CNN2: variants seen among roughly 807,000 people sequenced by gnomAD.
CNN2 encodes calponin 2.
Under a neutral mutation model 31.0 loss-of-function variants are expected in CNN2, and 21 were observed. The ratio of observed to expected loss-of-function variants is 0.68; its 90% CI spans 0.48 to 0.98. The LOEUF (loss-of-function observed/expected upper bound fraction) is 0.98. Ranked by LOEUF, CNN2 falls within the 50% of genes least tolerant of loss-of-function variation. CNN2 has a pLI of 0.00. For missense variants in CNN2, 399 were observed against 427.3 expected (o/e 0.93, Z 0.58); for synonymous variants, 165 against 179.6 (o/e 0.92, Z 0.65).
In CNN2 at chr19:1,037,967, ATC is replaced by A. The variant is rs1491117834; in HGVS notation, c.*69_*70del. 7.4e-7 allele frequency: 1 copy of A among 1,349,812 alleles called. No homozygotes were observed. The highest frequency in any genetic ancestry group is 2.8e-4 in the Middle Eastern group (1 of 3,616). The allele number at this position is 1,349,812 out of a possible 1,614,324, so 83.6% of individuals were successfully genotyped here. On this transcript the variant is annotated 3_prime_UTR_variant, in exon 7 of 7. Transcript: ENST00000263097. ...GGTTTTTGGGTTTTTCTGTGTTTTC[ATC>A]TTTTTTTTTTTTTTCTTAACCCGTT...
intron 2 of CNN2, 50 bp from the exon 3 acceptor site, chr19:1,032,342 C>A (rs199505028): frequency 1.6e-4 from 265 of 1,608,278 alleles, no homozygotes; most frequent in Non-Finnish European, 2.2e-4. Context: ...CACGGTTCCT[C>A]GCTGCTCACA....
intron 4 of CNN2, among the ~76,000 whole-genome samples, chr19:1,033,344 C>T (rs1287370275): frequency 7.2e-5 from 11 of 151,950 alleles, no homozygotes; most frequent in African/African-American, 1.9e-4. Flanking sequence ...ATGGTGAAAC[C>T]CCATCTCTAC....
intron 6 of CNN2, 198 bp downstream of exon 6, chr19:1,036,760 T>C: frequency 1.5e-6 from 1 of 679,040 alleles, no homozygotes; most frequent in South Asian, 1.7e-5. Flanking sequence ...TGGCTGTGGG[T>C]CTCTAGGGAA....
chr19:1,031,050 T>G, intron 1 of CNN2, 21 bp from the exon 2 acceptor site: 1 of 1,608,350 alleles, frequency 6.2e-7, no homozygotes, highest in Non-Finnish European at 8.5e-7. Flanking sequence ...CAGCTCAGTC[T>G]CGTGCCCTTT....
Position 1,037,832 on chromosome 19 carries a change from G to C in CNN2, c.862G>C (p.Gly288Arg), listed in dbSNP as rs771767261. The stretch of plus-strand genomic sequence containing the variant: ...GGCCGATGGGGCTCCCTCGGGCACC[G>C]GCGACTGCCCGGACCCGGGGGAGGT... ...TVADGAPSGT[G>R]DCPDPGEVPE... Residue 288 changes from glycine to arginine, a missense_variant, in exon 7 of 7, where the codon GGC becomes CGC. By Grantham distance (125) the Gly-to-Arg change is moderately radical. Transcript: ENST00000263097. 24 of 1,607,594 alleles carry C rather than the reference G, an allele frequency of 1.5e-5. 1 individual carries two copies. The South Asian group carries it at 2.4e-4, about 16-fold the overall frequency.
intron 4 of CNN2, 120 bp from the exon 5 acceptor site, chr19:1,036,010 G>A (rs928713685): frequency 3.5e-6 from 5 of 1,408,590 alleles, no homozygotes; most frequent in African/African-American, 1.5e-5. Context: ...GCCTGTGGGG[G>A]CTCTGCGCGG....
In CNN2 at chr19:1,032,703, C is replaced by T. The variant is rs4315451; in HGVS notation, c.390+7C>T. On this transcript the variant is annotated splice_region_variant and intron_variant, in intron 4 of 6. Transcript: ENST00000263097. ...TCTCGCCCTGGCGGGGAAGGTGAGG[C>T]CCAGAGAGGGGCAGCCACCTGCCCA... The T allele has an allele frequency of 0.29, 470,047 of 1,599,962 alleles. 71,091 individuals carry two copies. Among genetic ancestry groups the T allele is most frequent in the East Asian group, 0.42 (18,647 of 44,492 alleles).
At position 1,037,933 on chromosome 19, in the gene CNN2, G is replaced by C. The variant is rs3848639; in HGVS notation, c.*33G>C. Reference sequence around the variant, plus strand: ...AGCACGCTCTCTCCCCACATCGTCTGCCCATCTGGGTTTTTGGGTTTTTCT... The same window carrying C: ...AGCACGCTCTCTCCCCACATCGTCTCCCCATCTGGGTTTTTGGGTTTTTCT... On this transcript the variant is annotated 3_prime_UTR_variant, in exon 7 of 7. Coordinates refer to ENST00000263097, the MANE Select transcript of CNN2 (RefSeq NM_004368.4). The C allele has an allele frequency of 0.87, 1,303,490 of 1,505,668 alleles. 563,916 individuals carry two copies. Among genetic ancestry groups the C allele is most frequent in the Admixed American group, 0.89 (38,953 of 43,832 alleles). 93.3% of individuals were successfully genotyped at this position (1,505,668 alleles called of 1,614,324 possible).
At chr19:1,032,250 A>AT in intron 2 of CNN2, 142 bp from the exon 3 acceptor site, 3 of 955,804 alleles carry the variant, frequency 3.1e-6, no homozygotes, top group East Asian at 2.4e-5. Context: ...AAAAAAAAAA[A>AT]AGAGTGGAAA....
chr19:1,033,431 T>A (rs2039532080), intron 4 of CNN2, among the ~76,000 whole-genome samples: 1 of 151,976 alleles, frequency 6.6e-6, no homozygotes, highest in Non-Finnish European at 1.5e-5. Context: ...GCCCAGGAGT[T>A]AAGAGGTTGC....
At chr19:1,036,382 T>C (rs749162613) in intron 5 of CNN2, 34 bp from the exon 6 acceptor site, 2 of 1,606,186 alleles carry the variant, frequency 1.2e-6, no homozygotes, top group African/African-American at 1.3e-5. Flanking sequence ...GCTTGTTGGG[T>C]GCAGTCTGAC....
intron 5 of CNN2, 66 bp downstream of exon 5, chr19:1,036,312 A>T (rs1324608816): frequency 1.3e-6 from 2 of 1,569,286 alleles, no homozygotes; most frequent in Admixed American, 3.5e-5. Context: ...GGGGGACAGC[A>T]GCATTGGGGG....
Position 1,036,075 on chromosome 19 carries a change from T to C in CNN2, c.391-55T>C, listed in dbSNP as rs2039577899. ...CTCTGTCCCGCCCCCAGGGCCTAGA[T>C]CTAGGGTCCCTGGCTGCCCTCTGCT... On this transcript the variant is annotated intron_variant, in intron 4 of 6. Transcript: ENST00000263097. The C allele has an allele frequency of 1.3e-6, 2 of 1,530,954 alleles. 1 individual carries two copies. 94.8% of individuals were successfully genotyped at this position (1,530,954 alleles called of 1,614,324 possible).
chr19:1,037,216 T>A (rs1208111983), intron 6 of CNN2: 1 of 217,118 alleles, frequency 4.6e-6, no homozygotes, highest in Non-Finnish European at 9.5e-6. Context: ...TTGGTCAGGC[T>A]AGTCTTGAAC....
At chr19:1,035,094 C>T (rs2039557529) in intron 4 of CNN2, among the ~76,000 whole-genome samples, 1 of 136,660 alleles carries the variant, frequency 7.3e-6, no homozygotes, top group Admixed American at 7.6e-5. Context: ...GGGTGGGACA[C>T]GGTGTCTGGT....
rs2039628824 is a variant in CNN2 at position 1,038,033 on chromosome 19, G to C, written c.*133G>C. On this transcript the variant is annotated 3_prime_UTR_variant, in exon 7 of 7. Transcript: ENST00000263097. ...CAACCAAGGGTCTGTGAGTGTCAGC[G>C]TGGGATCAGGCAGCAGAGCTTTTTT... The C allele has an allele frequency of 2.2e-6, 2 of 924,260 alleles. No individual in the cohort carries two copies. Among genetic ancestry groups the C allele is most frequent in the Non-Finnish European group, 3.2e-6 (2 of 628,880 alleles). 57.3% of individuals were successfully genotyped at this position (924,260 alleles called of 1,614,324 possible).
At chr19:1,035,130 C>T (rs1467945356) in intron 4 of CNN2, among the ~76,000 whole-genome samples, 1 of 136,510 alleles carries the variant, frequency 7.3e-6, no homozygotes, top group Non-Finnish European at 1.6e-5. Context: ...GGGTGGGACA[C>T]GGTGTCTGGT....
intron 2 of CNN2, among the ~76,000 whole-genome samples, chr19:1,031,564 C>CAAAAAAAAAA (rs536524090): frequency 3.0e-5 from 2 of 66,336 alleles, no homozygotes; most frequent in South Asian, 5.8e-4. Flanking sequence ...GACTCCATCT[C>CAAAAAAAAAA]AAAAAAAAAA....
At chr19:1,030,675 C>T (rs1049210992) in intron 1 of CNN2, among the ~76,000 whole-genome samples, 1 of 152,034 alleles carries the variant, frequency 6.6e-6, no homozygotes, top group African/African-American at 2.4e-5. Context: ...ACATTGCAGA[C>T]GTACGAAATG....
Sources: gnomAD v4.1 joint callset for allele counts (sites outside exome capture counted in the v4.1 genomes callset) on GRCh38, gnomAD v4.1.1 for gene constraint, MANE v1.5 for transcripts, NCBI Gene and HGNC (gene_info 2026-07-23, HGNC 2026-07-21) for gene names.